The following TBC1D19 variants were observed in gnomAD, a reference collection of about 807,000 sequenced individuals.
The protein encoded by TBC1D19 is TBC1 domain family member 19.
A neutral mutation model predicts 89.0 loss-of-function variants in TBC1D19; 60 were observed. The ratio of observed to expected loss-of-function variants is 0.67; its 90% CI spans 0.55 to 0.84. The LOEUF (loss-of-function observed/expected upper bound fraction) is 0.84, where lower values mean the gene tolerates loss of function less well. Among genes scored for constraint, TBC1D19 ranks in the 40% least tolerant of loss-of-function variants. The pLI, the probability that TBC1D19 is intolerant of heterozygous loss-of-function variation, is 0.00. For synonymous variants in TBC1D19, 189 were observed against 199.7 expected (o/e 0.95, Z 0.45); for missense variants, 500 against 610.8 (o/e 0.82, Z 1.91).
chr4:26,716,203 C>G (rs1356949736), intron 13 of TBC1D19, among the ~76,000 whole-genome samples: 1 of 151,970 alleles, frequency 6.6e-6, no homozygotes, highest in Non-Finnish European at 1.5e-5. Context: ...TTATGTATTC[C>G]AAACACAAGG....
chr4:26,587,999 C>G (rs1325886452), intron 1 of TBC1D19, among the ~76,000 whole-genome samples: 1 of 150,354 alleles, frequency 6.7e-6, no homozygotes, highest in Non-Finnish European at 1.5e-5. Context: ...GCCCCTCCTT[C>G]CTTCCTTATA....
At chr4:26,577,908 C>A (rs1171320569) in intron 1 of TBC1D19, among the ~76,000 whole-genome samples, 1 of 152,160 alleles carries the variant, frequency 6.6e-6, no homozygotes, top group Admixed American at 6.5e-5. Context: ...TACATAGTTT[C>A]ATAAATTTTT....
At chr4:26,847,150 T>C in the TBC1D19 span, among the ~76,000 whole-genome samples, 1 of 152,196 alleles carries the variant, frequency 6.6e-6, no homozygotes. Flanking sequence ...ACTGAATGCC[T>C]ATGCTACCAC....
At chr4:26,675,403 A>T (rs1431987545) in intron 11 of TBC1D19, among the ~76,000 whole-genome samples, 1 of 152,090 alleles carries the variant, frequency 6.6e-6, no homozygotes, top group Non-Finnish European at 1.5e-5. Flanking sequence ...AAAGAAAAAA[A>T]TTTTTAAGGT....
upstream of TBC1D19, among the ~76,000 whole-genome samples, chr4:26,581,190 G>T (rs1326015564): frequency 6.6e-6 from 1 of 152,176 alleles, no homozygotes; most frequent in Non-Finnish European, 1.5e-5. Context: ...CTTGGGTACA[G>T]TAAGGATTTT....
the TBC1D19 span, among the ~76,000 whole-genome samples, chr4:26,850,540 C>CAAAAAAAAAAAAAAA: frequency 6.1e-4 from 55 of 90,402 alleles, 2 homozygotes; most frequent in African/African-American, 1.7e-3. Flanking sequence ...GACCCTGTCT[C>CAAAAAAAAAAAAAAA]AAAAAAAAAA....
intron 6 of TBC1D19, 126 bp downstream of exon 6, chr4:26,638,960 A>G (rs1378665343): frequency 1.9e-5 from 15 of 792,828 alleles, no homozygotes; most frequent in Non-Finnish European, 2.8e-5. Context: ...TTAATTTTCT[A>G]TCATCTGGAA....
At chr4:26,806,638 C>T in the TBC1D19 span, among the ~76,000 whole-genome samples, 3 of 152,204 alleles carry the variant, frequency 2.0e-5, no homozygotes, top group African/African-American at 4.8e-5. Flanking sequence ...CTGCCAAATT[C>T]ATGTCCACAC....
At chr4:26,634,485 A>G (rs1021852213) in intron 4 of TBC1D19, among the ~76,000 whole-genome samples, 1 of 152,128 alleles carries the variant, frequency 6.6e-6, no homozygotes, top group Non-Finnish European at 1.5e-5. Context: ...CAGCACTTGA[A>G]TTCACTGTGA....
At chr4:26,687,765 A>G (rs1029851283) in intron 12 of TBC1D19, among the ~76,000 whole-genome samples, 2 of 152,154 alleles carry the variant, frequency 1.3e-5, no homozygotes, top group African/African-American at 4.8e-5. Flanking sequence ...GAAATCATTA[A>G]GGTAGACTCA....
chr4:26,787,864 T>C, the TBC1D19 span, among the ~76,000 whole-genome samples: 1 of 152,188 alleles, frequency 6.6e-6, no homozygotes, highest in African/African-American at 2.4e-5. Context: ...CAAGAAGCTG[T>C]GGACTTCCTG....
At chr4:26,769,344 A>C in the TBC1D19 span, among the ~76,000 whole-genome samples, 2 of 152,106 alleles carry the variant, frequency 1.3e-5, no homozygotes, top group Non-Finnish European at 2.9e-5. Context: ...ATGTGTGTTT[A>C]CATAAAAGAA....
intron 18 of TBC1D19, among the ~76,000 whole-genome samples, chr4:26,743,036 G>C (rs1263602195): frequency 6.6e-6 from 1 of 151,962 alleles, no homozygotes; most frequent in African/African-American, 2.4e-5. Flanking sequence ...AGCAAATCAG[G>C]TACCTATCAA....
Position 26,686,933 on chromosome 4 carries a change from A to G in TBC1D19, c.892-1412A>G, listed in dbSNP as rs79341740. 5.3e-3 allele frequency among the ~76,000 whole-genome samples: 802 copies of G among 152,126 alleles called. 6 individuals carry two copies. Among genetic ancestry groups the G allele is most frequent in the African/African-American group, 0.018 (754 of 41,510 alleles). On this transcript the variant is annotated intron_variant, in intron 12 of 20. Coordinates refer to ENST00000264866, the MANE Select transcript of TBC1D19 (RefSeq NM_018317.4). ...CTATTTGACCATGGATTTTTGTAAC[A>G]TTTCTTTGTGATTTTCCCATGTTTT...
chr4:26,839,292 C>G, the TBC1D19 span, among the ~76,000 whole-genome samples: 1 of 152,076 alleles, frequency 6.6e-6, no homozygotes. Context: ...GAATTAGTCT[C>G]AAGCAGCCTA....
chr4:26,639,163 C>G (rs184822342), intron 6 of TBC1D19, among the ~76,000 whole-genome samples: 17 of 152,276 alleles, frequency 1.1e-4, no homozygotes, highest in Non-Finnish European at 2.2e-4. Context: ...GTCCTTTCAC[C>G]TCAGCCTCCT....
the TBC1D19 span, among the ~76,000 whole-genome samples, chr4:26,784,247 A>G: frequency 3.3e-5 from 5 of 152,278 alleles, no homozygotes; most frequent in African/African-American, 9.6e-5. Flanking sequence ...GACTGACAGC[A>G]TTAGAGCAAG....
chr4:26,581,661 T>C (rs974092833), upstream of TBC1D19, among the ~76,000 whole-genome samples: 1 of 152,238 alleles, frequency 6.6e-6, no homozygotes, highest in African/African-American at 2.4e-5. Context: ...TTCAGTTTCT[T>C]GTGAGACAAT....
At chr4:26,809,174 C>T in the TBC1D19 span, among the ~76,000 whole-genome samples, 2 of 152,186 alleles carry the variant, frequency 1.3e-5, no homozygotes, top group Admixed American at 6.5e-5. Context: ...AAAAGCTACT[C>T]TGCTGTGAGA....
Sources: gnomAD v4.1 joint callset for allele counts (sites outside exome capture counted in the v4.1 genomes callset) on GRCh38, gnomAD v4.1.1 for gene constraint, MANE v1.5 for transcripts, NCBI Gene and HGNC (gene_info 2026-07-23, HGNC 2026-07-21) for gene names.